The following MANBA variants were observed in gnomAD, a reference collection of about 807,000 sequenced individuals.
MANBA encodes the protein mannosidase beta.
In MANBA, 83 loss-of-function variants were observed where a neutral mutation model predicts 111.1. That is an observed-to-expected ratio of 0.75 (90% confidence interval 0.63 to 0.90). MANBA has a LOEUF of 0.90. MANBA is among the 40% of genes least tolerant of loss of function. MANBA has a pLI of 0.00. For missense variants in MANBA, 1,036 were observed against 1,069.0 expected, an observed-to-expected ratio of 0.97 and a Z score of 0.43; for synonymous variants, 370 against 378.7, an observed-to-expected ratio of 0.98 and a Z score of 0.27.
At chr4:102,706,733 T>C (rs1733314711) in intron 5 of MANBA, among the ~76,000 whole-genome samples, 1 of 151,252 alleles carries the variant, frequency 6.6e-6, no homozygotes, top group Non-Finnish European at 1.5e-5. Context: ...CAATAAGAAA[T>C]TTACAAAACA....
intron 5 of MANBA, among the ~76,000 whole-genome samples, chr4:102,697,873 T>A (rs965361130): frequency 1.3e-5 from 2 of 152,096 alleles, no homozygotes; most frequent in Non-Finnish European, 2.9e-5. Flanking sequence ...ATATATACCC[T>A]GTAATGGGAT....
rs557356797 is a variant in MANBA, at chr4:102,749,788, A to G, written c.177+10930T>C. The stretch of plus-strand genomic sequence containing the variant: ...GCATCACACGTGGAAGACATAAAAT[A>G]AATGTTACATGAAAATGAATTGTAT... On this transcript the variant is annotated intron_variant, in intron 1 of 16. Coordinates refer to ENST00000647097, the MANE Select transcript of MANBA (RefSeq NM_005908.4). Among the ~76,000 whole-genome samples the G allele has an allele frequency of 2.6e-5, 4 of 152,364 alleles. No homozygotes were observed. In the South Asian group the frequency reaches 8.3e-4, roughly 32 times the overall value.
chr4:102,703,720 C>T (rs1406887349), intron 5 of MANBA, among the ~76,000 whole-genome samples: 5 of 152,156 alleles, frequency 3.3e-5, no homozygotes, highest in Admixed American at 2.0e-4. Context: ...AACCTTACTT[C>T]GTTCCCCCTA....
chr4:102,719,363 T>C (rs1722474887), intron 4 of MANBA, among the ~76,000 whole-genome samples: 1 of 152,218 alleles, frequency 6.6e-6, no homozygotes, highest in Non-Finnish European at 1.5e-5. Context: ...TCTTCCCTTC[T>C]TCCCTGAAAA....
chr4:102,721,895 T>C (rs1405023822), intron 4 of MANBA, among the ~76,000 whole-genome samples: 2 of 151,238 alleles, frequency 1.3e-5, no homozygotes, highest in Admixed American at 1.3e-4. Flanking sequence ...CTGGGCATGG[T>C]GGTGTTCGCC....
chr4:102,634,646 G>C lies in MANBA; in HGVS notation c.2415+142C>G, dbSNP rs2272695. On this transcript the variant is annotated intron_variant, in intron 16 of 16. Coordinates refer to ENST00000647097, the MANE Select transcript of MANBA (RefSeq NM_005908.4). ...ATTTGGTGTTTGCTTTTAGTGGGAA[G>C]AGGCCAATCTTCCCCCAGGCCTCAG... 0.53 allele frequency: 583,992 copies of C among 1,112,108 alleles called. 156,451 individuals carry two copies. Among genetic ancestry groups the C allele is most frequent in the Admixed American group, 0.69 (37,903 of 54,682 alleles). 68.9% of individuals were successfully genotyped at this position (1,112,108 alleles called of 1,614,324 possible). A position where few individuals can be genotyped will look rare whatever the true frequency, so the allele number is the denominator to read the frequency against.
intron 1 of MANBA, among the ~76,000 whole-genome samples, chr4:102,733,399 G>A (rs935939843): frequency 6.6e-6 from 1 of 151,220 alleles, no homozygotes; most frequent in Non-Finnish European, 1.5e-5. Context: ...TGTCACCCAG[G>A]CTGGAGTGCA....
intron 7 of MANBA, chr4:102,679,462 A>G (rs1293654925): frequency 6.6e-6 from 1 of 152,158 alleles, no homozygotes; most frequent in Non-Finnish European, 1.5e-5. Flanking sequence ...AAAAAAGTAA[A>G]ACAAATATTA....
chr4:102,738,033 G>A (rs1723282054), intron 1 of MANBA, among the ~76,000 whole-genome samples: 1 of 152,130 alleles, frequency 6.6e-6, no homozygotes, highest in Non-Finnish European at 1.5e-5. Flanking sequence ...CATCACCTGA[G>A]AAACCCAAGT....
rs985237088 is a variant in MANBA, at chr4:102,635,855, A to C, written c.2157+10T>G. The C allele has an allele frequency of 1.9e-6, 3 of 1,609,552 alleles. No individual in the cohort carries two copies. The highest frequency in any genetic ancestry group is 2.6e-6 in the Non-Finnish European group (3 of 1,175,786). The stretch of plus-strand genomic sequence containing the variant: ...TCCTTCGATCTTAGAAAACAATCCA[A>C]GTAACTTACACTGAGTGTCATCGAA... On this transcript the variant is annotated intron_variant, in intron 15 of 16. Transcript: ENST00000647097.
In MANBA at chr4:102,723,866, C is replaced by T. The variant is rs777042164; in HGVS notation, c.374G>A (p.Arg125Lys). Reference sequence around the variant, plus strand: ...CTAATGTCATTATATACTTACATATCTATTGAACATATTGTCTGTTTCCCC... The same window carrying T: ...CTAATGTCATTATATACTTACATATTTATTGAACATATTGTCTGTTTCCCC... ...TIGETDNMFN[R>K]YSFDITNVVR... The change falls in exon 3 of 17, where the codon AGA becomes AAA. Residue 125 changes from arginine to lysine, a missense_variant. By Grantham distance (26) the Arg-to-Lys change is conservative. Transcript: ENST00000647097. The T allele has an allele frequency of 6.4e-6, 10 of 1,551,400 alleles. No individual in the cohort carries two copies. The South Asian group carries it at 1.1e-4, about 17-fold the overall frequency.
chr4:102,760,612 C>A, intron 1 of MANBA, 106 bp downstream of exon 1: 1 of 1,242,580 alleles, frequency 8.0e-7, no homozygotes, highest in Non-Finnish European at 1.1e-6. Flanking sequence ...ACTACCAAAC[C>A]GACGAGAATG....
Position 102,751,641 on chromosome 4 carries a change from G to C in MANBA, c.177+9077C>G, listed in dbSNP as rs1205722624. On this transcript the variant is annotated intron_variant, in intron 1 of 16. Coordinates refer to ENST00000647097, the MANE Select transcript of MANBA (RefSeq NM_005908.4). ...GGAGAACATGTCATCAGAAGTAGTTGTGGAAATAGAATATGTGAAGTACAC... is the reference window on the plus strand; with the variant it reads ...GGAGAACATGTCATCAGAAGTAGTTCTGGAAATAGAATATGTGAAGTACAC... The C allele has an allele frequency of 5.5e-6, 3 of 541,620 alleles. No homozygotes were observed. The East Asian group carries it at 1.6e-4, about 29-fold the overall frequency. 33.6% of individuals were successfully genotyped at this position (541,620 alleles called of 1,614,324 possible). A position where few individuals can be genotyped will look rare whatever the true frequency, so the allele number is the denominator to read the frequency against.
chr4:102,751,998 A>G, intron 1 of MANBA: 1 of 734,824 alleles, frequency 1.4e-6, no homozygotes, highest in Admixed American at 1.7e-5. Context: ...TTGATAGCTC[A>G]GGAACTAAAT....
Position 102,635,025 on chromosome 4 carries a change from GC to G in MANBA, c.2177del (p.Ser726ThrfsTer10). On this transcript the variant is annotated frameshift_variant, in exon 16 of 17. Coordinates refer to ENST00000647097, the MANE Select transcript of MANBA (RefSeq NM_005908.4). LOFTEE classifies it high-confidence loss of function. Reference sequence around the variant, plus strand: ...CACGAGAGCACACGGGCTCCAGGGAGCTCCATGTATGGACTCTCACCTGGGG... The same window carrying G: ...CACGAGAGCACACGGGCTCCAGGGAGTCCATGTATGGACTCTCACCTGGGG... ...MTLSVRVHTW[S>X]SLEPVCSRVT... The G allele has an allele frequency of 6.2e-7, 1 of 1,614,148 alleles. No individual in the cohort carries two copies. Among genetic ancestry groups the G allele is most frequent in the Non-Finnish European group, 8.5e-7 (1 of 1,179,988 alleles).
chr4:102,689,505 G>A, intron 7 of MANBA, 69 bp downstream of exon 7: 7 of 998,046 alleles, frequency 7.0e-6, no homozygotes, highest in Non-Finnish European at 1.1e-5. Flanking sequence ...CTTTTCCCAT[G>A]AAGATCTGTA....
At chr4:102,760,017 C>T (rs1406538434) in intron 1 of MANBA, among the ~76,000 whole-genome samples, 3 of 152,064 alleles carry the variant, frequency 2.0e-5, no homozygotes, top group Non-Finnish European at 4.4e-5. Context: ...AGTTTGCAAA[C>T]CTATGCGCAC....
At chr4:102,645,527 T>C (rs1309571313) in intron 13 of MANBA, among the ~76,000 whole-genome samples, 1 of 151,990 alleles carries the variant, frequency 6.6e-6, no homozygotes, top group East Asian at 1.9e-4. Flanking sequence ...TTTTTGTTTG[T>C]TTTTGTTTTT....
At chr4:102,649,071 G>C (rs1730218926) in intron 13 of MANBA, among the ~76,000 whole-genome samples, 1 of 152,090 alleles carries the variant, frequency 6.6e-6, no homozygotes, top group African/African-American at 2.4e-5. Flanking sequence ...AGCTGATGCT[G>C]ATTATCAGTA....
Sources: gnomAD v4.1 joint callset for allele counts (sites outside exome capture counted in the v4.1 genomes callset) on GRCh38, gnomAD v4.1.1 for gene constraint, MANE v1.5 for transcripts, NCBI Gene and HGNC (gene_info 2026-07-23, HGNC 2026-07-21) for gene names.